The following ANXA2 variants were observed in gnomAD, a reference collection of about 807,000 sequenced individuals.
The protein encoded by ANXA2 is annexin A2.
In ANXA2, 28 loss-of-function variants were observed where a neutral mutation model predicts 47.3. That is an observed-to-expected ratio of 0.59 (90% confidence interval 0.44 to 0.81). ANXA2 has a LOEUF of 0.81. Ranked by LOEUF, ANXA2 falls within the 40% of genes least tolerant of loss-of-function variation. ANXA2 has a pLI of 0.00. For missense variants in ANXA2, 384 were observed against 414.3 expected (o/e 0.93, Z 0.64); for synonymous variants, 172 against 155.5 (o/e 1.11, Z -0.79).
intron 3 of ANXA2, among the ~76,000 whole-genome samples, chr15:60,371,730 G>C (rs1185943511): frequency 6.6e-6 from 1 of 152,156 alleles, no homozygotes; most frequent in Non-Finnish European, 1.5e-5. Flanking sequence ...AGATTACTGA[G>C]CATACCAGTA....
At chr15:60,377,706 T>C (rs1019913684) in intron 3 of ANXA2, among the ~76,000 whole-genome samples, 16 of 151,596 alleles carry the variant, frequency 1.1e-4, no homozygotes, top group Non-Finnish European at 2.2e-4. Context: ...AAAACCATAA[T>C]ATCTACACAG....
intron 3 of ANXA2, among the ~76,000 whole-genome samples, chr15:60,370,421 G>T (rs2062695775): frequency 6.6e-6 from 1 of 152,204 alleles, no homozygotes; most frequent in South Asian, 2.1e-4. Flanking sequence ...CTTAAGTCAT[G>T]TCCTATATTG....
chr15:60,397,643 C>A (rs535656303), intron 1 of ANXA2, among the ~76,000 whole-genome samples: 1 of 152,272 alleles, frequency 6.6e-6, no homozygotes, highest in Non-Finnish European at 1.5e-5. Context: ...CCCCTCTCCC[C>A]ACGCCGCCTC....
At chr15:60,359,995 G>A (rs1203438999) in intron 5 of ANXA2, among the ~76,000 whole-genome samples, 8 of 152,322 alleles carry the variant, frequency 5.3e-5, no homozygotes, top group East Asian at 1.9e-4. Context: ...GGTGGCTCAC[G>A]CCTGTAATCC....
chr15:60,393,045 A>G lies in ANXA2; in HGVS notation c.-12+4898T>C, dbSNP rs953271347. The G allele has an allele frequency of 2.3e-5, 29 of 1,287,154 alleles. No homozygotes were observed. The African/African-American group carries it at 3.7e-4, about 16-fold the overall frequency. 79.7% of individuals were successfully genotyped at this position (1,287,154 alleles called of 1,614,324 possible). The stretch of plus-strand genomic sequence containing the variant: ...ATCTTTATTTATCAGAACCTTTTTG[A>G]AAGCAGATATTCTTCTCCTTGGTTT... On this transcript the variant is annotated intron_variant, in intron 1 of 12. Transcript: ENST00000451270.
chr15:60,360,229 C>G (rs891413484), intron 5 of ANXA2, among the ~76,000 whole-genome samples: 1 of 152,150 alleles, frequency 6.6e-6, no homozygotes, highest in Non-Finnish European at 1.5e-5. Context: ...GCACTCCAGC[C>G]TGGGCAACAA....
chr15:60,372,345 G>GACACACTCAAGGTCAC, intron 3 of ANXA2, among the ~76,000 whole-genome samples: 1 of 152,174 alleles, frequency 6.6e-6, no homozygotes, highest in South Asian at 2.1e-4. Context: ...ACACAAGCAA[G>GACACACTCAAGGTCAC]ACACTTGCAG....
intron 7 of ANXA2, 74 bp downstream of exon 7, chr15:60,355,845 C>T: frequency 1.6e-6 from 2 of 1,248,610 alleles, no homozygotes; most frequent in South Asian, 2.4e-5. Context: ...AGTTAATTCA[C>T]TCCAAGTATA....
At chr15:60,381,901 T>C (rs780802658) in intron 3 of ANXA2, among the ~76,000 whole-genome samples, 13 of 151,690 alleles carry the variant, frequency 8.6e-5, no homozygotes, top group Non-Finnish European at 1.8e-4. Context: ...CCCAAAAGCA[T>C]ACCCCTAGGA....
At chr15:60,387,738 G>C (rs1485002013) in intron 1 of ANXA2, among the ~76,000 whole-genome samples, 1 of 152,154 alleles carries the variant, frequency 6.6e-6, no homozygotes, top group Admixed American at 6.5e-5. Flanking sequence ...ACTTTGAGTG[G>C]TAACGATGTG....
intron 1 of ANXA2, among the ~76,000 whole-genome samples, chr15:60,397,619 G>C (rs2063099050): frequency 6.6e-6 from 1 of 152,136 alleles, no homozygotes; most frequent in African/African-American, 2.4e-5. Flanking sequence ...TCTGGAATGC[G>C]GGGCCTCCCT....
intron 1 of ANXA2, among the ~76,000 whole-genome samples, chr15:60,394,032 T>G (rs2063049240): frequency 6.6e-6 from 1 of 152,198 alleles, no homozygotes; most frequent in Non-Finnish European, 1.5e-5. Context: ...AATCACCAAC[T>G]TCTGCAAATC....
chr15:60,376,396 A>AGAC (rs1298088157), intron 3 of ANXA2, among the ~76,000 whole-genome samples: 1 of 151,806 alleles, frequency 6.6e-6, no homozygotes, highest in African/African-American at 2.4e-5. Flanking sequence ...AAAAAAAAGA[A>AGAC]GACGACGACG....
chr15:60,362,974 T>C (rs2062537861), intron 4 of ANXA2: 1 of 130,134 alleles, frequency 7.7e-6, no homozygotes, highest in Admixed American at 9.9e-5. Context: ...GAAGTTGCAG[T>C]AAGCCGAATC....
chr15:60,364,485 G>C lies in ANXA2; in HGVS notation c.187C>G (p.Arg63Gly), dbSNP rs11553794. The C allele has an allele frequency of 1.2e-6, 2 of 1,613,152 alleles. No homozygotes were observed. Among genetic ancestry groups the C allele is most frequent in the Non-Finnish European group, 1.7e-6 (2 of 1,179,780 alleles). The change falls in exon 4 of 13, where the codon CGC becomes GGC. Residue 63 changes from arginine (R) to glycine (G), a missense_variant. Physicochemically the swap from Arg to Gly is moderately radical, Grantham distance 125 (BLOSUM62 -2). Coordinates refer to ENST00000451270, the MANE Select transcript of ANXA2 (RefSeq NM_004039.3). Reference sequence around the variant, plus strand: ...ATATCCTGTCTCTGTGCATTGCTGCGGTTGGTCAAAATGTTGACAATGGTG... The same window carrying C: ...ATATCCTGTCTCTGTGCATTGCTGCCGTTGGTCAAAATGTTGACAATGGTG... ...EVTIVNILTN[R>G]SNAQRQDIAF... is the part of the protein sequence containing the mutation.
At chr15:60,396,935 TTTG>T (rs1398120587) in intron 1 of ANXA2, among the ~76,000 whole-genome samples, 1 of 152,254 alleles carries the variant, frequency 6.6e-6, no homozygotes, top group Non-Finnish European at 1.5e-5. Flanking sequence ...TGCACAGCAC[TTTG>T]TTTTTTGTGT....
intron 12 of ANXA2, among the ~76,000 whole-genome samples, chr15:60,348,276 G>C (rs1895818777): frequency 6.6e-6 from 1 of 150,856 alleles, no homozygotes; most frequent in Admixed American, 6.6e-5. Context: ...GAATTGCAAG[G>C]GCTGTCTGAA....
intron 5 of ANXA2, among the ~76,000 whole-genome samples, chr15:60,360,709 G>C (rs922931180): frequency 6.6e-6 from 1 of 152,216 alleles, no homozygotes; most frequent in African/African-American, 2.4e-5. Flanking sequence ...GTGCTGAGTA[G>C]TAGCAGCTGG....
At chr15:60,361,269 C>G (rs1356644161) in intron 4 of ANXA2, among the ~76,000 whole-genome samples, 2 of 152,136 alleles carry the variant, frequency 1.3e-5, no homozygotes, top group Admixed American at 6.5e-5. Flanking sequence ...TCCTTAAAAT[C>G]CAAGTTAATT....
Sources: allele counts gnomAD v4.1 joint callset (sites outside exome capture counted in the v4.1 genomes callset), GRCh38; gene constraint gnomAD v4.1.1; transcripts MANE v1.5; gene names NCBI Gene and HGNC (gene_info 2026-07-23, HGNC 2026-07-21).